Variants in PLXDC2 observed in about 807,000 individuals in gnomAD.
PLXDC2 encodes the protein plexin domain containing 2.
In PLXDC2, 40 loss-of-function variants were observed where a neutral mutation model predicts 68.9. The observed-to-expected ratio is 0.58, with a 90% CI of 0.45 to 0.76. The LOEUF is 0.76. PLXDC2 is among the 30% of genes least tolerant of loss of function. The pLI, the probability that PLXDC2 is intolerant of heterozygous loss-of-function variation, is 0.00. For synonymous variants in PLXDC2, 243 were observed against 234.2 expected (o/e 1.04, Z -0.34); for missense variants, 644 against 661.9 (o/e 0.97, Z 0.30).
At chr10:20,000,105 A>G (rs546343381) in intron 1 of PLXDC2, among the ~76,000 whole-genome samples, 26 of 152,172 alleles carry the variant, frequency 1.7e-4, no homozygotes, top group Non-Finnish European at 3.5e-4. Context: ...CAGTCAATCA[A>G]TAAACACATT....
At chr10:19,925,091 A>C (rs777082259) in intron 1 of PLXDC2, among the ~76,000 whole-genome samples, 5 of 152,238 alleles carry the variant, frequency 3.3e-5, no homozygotes, top group Admixed American at 6.5e-5. Flanking sequence ...TTGAGACAGC[A>C]CAGTTAACCC....
At chr10:20,229,332 A>G (rs1835328702) in intron 12 of PLXDC2, among the ~76,000 whole-genome samples, 1 of 152,014 alleles carries the variant, frequency 6.6e-6, no homozygotes, top group African/African-American at 2.4e-5. Context: ...AAGACCCATA[A>G]AACATGAAAC....
intron 1 of PLXDC2, among the ~76,000 whole-genome samples, chr10:19,861,329 C>T (rs917377376): frequency 2.6e-5 from 4 of 152,146 alleles, no homozygotes; most frequent in Middle Eastern, 3.2e-3. Context: ...GCCACCGAGC[C>T]CAGCGTGCTG....
At position 20,192,788 on chromosome 10, in the gene PLXDC2, C is replaced by T. The variant is rs188544114; in HGVS notation, c.1061+15379C>T. Among the ~76,000 whole-genome samples the T allele has an allele frequency of 5.3e-5, 8 of 152,102 alleles. No individual in the cohort carries two copies. The East Asian group carries it at 1.6e-3, about 29-fold the overall frequency. Reference sequence around the variant, plus strand: ...TTTAAGATTTTAGTATGCAAACATACACCTAAGTTATCTAAAATAACAAAG... The same window carrying T: ...TTTAAGATTTTAGTATGCAAACATATACCTAAGTTATCTAAAATAACAAAG... On this transcript the variant is annotated intron_variant, in intron 9 of 13. Coordinates refer to ENST00000377252, the MANE Select transcript of PLXDC2 (RefSeq NM_032812.9).
chr10:20,021,438 TA>T (rs1331266760), intron 2 of PLXDC2, among the ~76,000 whole-genome samples: 1 of 152,060 alleles, frequency 6.6e-6, no homozygotes, highest in African/African-American at 2.4e-5. Flanking sequence ...GGCCCTGGTG[TA>T]ATTTTATCCT....
At chr10:19,883,700 A>T (rs1257369767) in intron 1 of PLXDC2, among the ~76,000 whole-genome samples, 1 of 151,928 alleles carries the variant, frequency 6.6e-6, no homozygotes, top group Non-Finnish European at 1.5e-5. Flanking sequence ...CAGACTTGAA[A>T]AAAAAATTCA....
At chr10:20,231,889 C>T (rs547573223) in intron 12 of PLXDC2, among the ~76,000 whole-genome samples, 5 of 151,910 alleles carry the variant, frequency 3.3e-5, no homozygotes, top group South Asian at 4.2e-4. Flanking sequence ...TAATGGCATA[C>T]GCCTGTAGTC....
intron 1 of PLXDC2, among the ~76,000 whole-genome samples, chr10:19,984,303 C>T (rs1054663857): frequency 6.6e-6 from 1 of 151,996 alleles, no homozygotes; most frequent in Admixed American, 6.5e-5. Context: ...ACTGAACATC[C>T]CAGGTGGACT....
intron 3 of PLXDC2, among the ~76,000 whole-genome samples, chr10:20,061,625 G>A (rs1359095524): frequency 6.6e-6 from 1 of 152,076 alleles, no homozygotes; most frequent in Non-Finnish European, 1.5e-5. Flanking sequence ...CAAATGTCCT[G>A]CTTCTCATTA....
chr10:20,015,368 G>A (rs1249646793), intron 2 of PLXDC2, among the ~76,000 whole-genome samples: 2 of 152,166 alleles, frequency 1.3e-5, no homozygotes, highest in African/African-American at 2.4e-5. Context: ...CTGTGTGTTT[G>A]TGTGTGAGTT....
chr10:19,887,394 G>A (rs1837867783), intron 1 of PLXDC2, among the ~76,000 whole-genome samples: 1 of 152,094 alleles, frequency 6.6e-6, no homozygotes, highest in Non-Finnish European at 1.5e-5. Context: ...GGTGGCAGGT[G>A]CCTGTAGTCT....
chr10:19,847,629 A>G (rs1284769129), intron 1 of PLXDC2, among the ~76,000 whole-genome samples: 1 of 152,202 alleles, frequency 6.6e-6, no homozygotes, highest in East Asian at 1.9e-4. Context: ...AAGTTTGAAG[A>G]TCACTTTACT....
At chr10:20,213,087 G>A (rs1835090374) in intron 10 of PLXDC2, among the ~76,000 whole-genome samples, 1 of 151,988 alleles carries the variant, frequency 6.6e-6, no homozygotes, top group Non-Finnish European at 1.5e-5. Context: ...TTTTTATGAT[G>A]AGTTTTATAT....
chr10:19,933,778 A>G (rs968515314), intron 1 of PLXDC2, among the ~76,000 whole-genome samples: 2 of 146,908 alleles, frequency 1.4e-5, no homozygotes, highest in African/African-American at 5.0e-5. Context: ...TATGGAAGGA[A>G]GGAAGCGGGG....
chr10:19,849,777 A>T (rs1837080569), intron 1 of PLXDC2, among the ~76,000 whole-genome samples: 1 of 152,282 alleles, frequency 6.6e-6, no homozygotes, highest in East Asian at 1.9e-4. Context: ...AGTACATATT[A>T]TATCTGTTAT....
chr10:19,936,385 A>T (rs1177413606), intron 1 of PLXDC2, among the ~76,000 whole-genome samples: 1 of 152,228 alleles, frequency 6.6e-6, no homozygotes, highest in Non-Finnish European at 1.5e-5. Flanking sequence ...TTTAGAGGCT[A>T]TAGAGACTCT....
At position 19,816,560 on chromosome 10, in the gene PLXDC2, C is replaced by A. The variant is rs909283895; in HGVS notation, c.-520C>A. The A allele has an allele frequency of 6.4e-5, 10 of 156,194 alleles. No homozygotes were observed. Among genetic ancestry groups the A allele is most frequent in the Admixed American group, 1.3e-4 (2 of 15,934 alleles). 9.7% of individuals were successfully genotyped at this position (156,194 alleles called of 1,614,324 possible). ...GCAAAACTTGTCGGGAGGGTTTCGT[C>A]ATCAACCTCCTTCCCGCAAACCTAA... is the stretch of plus-strand genomic sequence containing the variant. On this transcript the variant is annotated 5_prime_UTR_variant, in exon 1 of 14. Coordinates refer to ENST00000377252, the MANE Select transcript of PLXDC2 (RefSeq NM_032812.9).
At chr10:20,212,535 A>G (rs2358865) in intron 10 of PLXDC2, among the ~76,000 whole-genome samples, 43,977 of 152,058 alleles carry the variant, frequency 0.29, 7,246 homozygotes, top group East Asian at 0.53. Context: ...TTCTCCCTTC[A>G]TTAAGTTTTG....
At chr10:20,073,741 C>T (rs1415387189) in intron 4 of PLXDC2, among the ~76,000 whole-genome samples, 1 of 152,152 alleles carries the variant, frequency 6.6e-6, no homozygotes, top group African/African-American at 2.4e-5. Flanking sequence ...AAAACAGTTT[C>T]ATTAGTGATA....
Sources: allele counts gnomAD v4.1 joint callset (sites outside exome capture counted in the v4.1 genomes callset), GRCh38; gene constraint gnomAD v4.1.1; transcripts MANE v1.5; gene names NCBI Gene and HGNC (gene_info 2026-07-23, HGNC 2026-07-21).